PDE1C: variants seen among roughly 807,000 people sequenced by gnomAD.
PDE1C encodes the protein dual specificity calcium/calmodulin-dependent 3',5'-cyclic nucleotide phosphodiesterase 1C.
Under a neutral mutation model 93.1 loss-of-function variants are expected in PDE1C, and 62 were observed. The ratio of observed to expected loss-of-function variants is 0.67; its 90% CI spans 0.54 to 0.82. The LOEUF (loss-of-function observed/expected upper bound fraction) is 0.82. PDE1C is among the 40% of genes least tolerant of loss of function. The pLI, the probability that PDE1C is intolerant of heterozygous loss-of-function variation, is 0.00. For synonymous variants in PDE1C, 325 were observed against 310.1 expected, an observed-to-expected ratio of 1.05 and a Z score of -0.50; for missense variants, 742 against 884.6, an observed-to-expected ratio of 0.84 and a Z score of 2.04.
chr7:31,825,699 A>C, intron 12 of PDE1C, among the ~76,000 whole-genome samples: 1 of 152,154 alleles, frequency 6.6e-6, no homozygotes, highest in East Asian at 1.9e-4. Context: ...TAAACAAAAG[A>C]TAAAGAAGGC....
At chr7:31,858,069 A>G (rs1794239408) in intron 7 of PDE1C, among the ~76,000 whole-genome samples, 1 of 152,186 alleles carries the variant, frequency 6.6e-6, no homozygotes, top group Non-Finnish European at 1.5e-5. Flanking sequence ...AAAGACTGGA[A>G]AACATGGGAG....
At chr7:31,934,589 C>A (rs910628275) in intron 2 of PDE1C, among the ~76,000 whole-genome samples, 1 of 151,158 alleles carries the variant, frequency 6.6e-6, no homozygotes, top group African/African-American at 2.4e-5. Context: ...CACTAGCTTA[C>A]GTGAGTTGAT....
chr7:32,182,727 T>G (rs1429440610), intron 2 of PDE1C, among the ~76,000 whole-genome samples: 1 of 152,190 alleles, frequency 6.6e-6, no homozygotes, highest in Admixed American at 6.5e-5. Context: ...GCATTCCCTT[T>G]GAAAACTGGC....
At chr7:31,710,804 C>T in the PDE1C span, among the ~76,000 whole-genome samples, 2 of 152,192 alleles carry the variant, frequency 1.3e-5, no homozygotes, top group East Asian at 3.8e-4. Flanking sequence ...GCCAGTTTTC[C>T]TGGACATGCA....
At chr7:32,362,802 C>G (rs148549339) in intron 1 of PDE1C, among the ~76,000 whole-genome samples, 1 of 152,310 alleles carries the variant, frequency 6.6e-6, no homozygotes, top group African/African-American at 2.4e-5. Context: ...TGCTGCACTC[C>G]CCTGAGCAAA....
chr7:31,716,277 G>T, the PDE1C span, among the ~76,000 whole-genome samples: 3 of 152,058 alleles, frequency 2.0e-5, no homozygotes, highest in Non-Finnish European at 4.4e-5. Flanking sequence ...TCATTCAGTT[G>T]CCCAAGTTAT....
Position 31,823,140 on chromosome 7 carries a change from G to A in PDE1C, c.1515C>T (p.Ser505=). 6.2e-7 allele frequency: 1 copy of A among 1,613,418 alleles called. No individual in the cohort carries two copies. The change falls in exon 14 of 18, where the codon AGC becomes AGT. Residue 505 remains serine (S), a synonymous_variant. Coordinates refer to ENST00000396191, the MANE Select transcript of PDE1C (RefSeq NM_001191057.4). ...CCACTTCCGTCCAAGTAGCTTTAAA[G>A]CTCTTATAGTCAACGGAGATGACAG... The part of the protein sequence containing the change: ...NNSVISVDYK[S]FKATWTEVVH...
intron 16 of PDE1C, among the ~76,000 whole-genome samples, chr7:31,793,773 C>A (rs1784852324): frequency 6.6e-6 from 1 of 151,132 alleles, no homozygotes; most frequent in Non-Finnish European, 1.5e-5. Context: ...TGTCCTAGGT[C>A]ACAAGTACAT....
At chr7:31,919,259 C>T (rs754182901) in intron 2 of PDE1C, among the ~76,000 whole-genome samples, 1 of 152,140 alleles carries the variant, frequency 6.6e-6, no homozygotes, top group Admixed American at 6.6e-5. Context: ...ATTAAGAGCA[C>T]AGGGCCAGGA....
At chr7:31,815,067 C>T (rs1306490479) in intron 15 of PDE1C, among the ~76,000 whole-genome samples, 1 of 152,040 alleles carries the variant, frequency 6.6e-6, no homozygotes, top group South Asian at 2.1e-4. Flanking sequence ...TCTGACCAGC[C>T]AGCTTCAGCA....
chr7:31,756,235 T>C (rs1208771864), intron 17 of PDE1C, among the ~76,000 whole-genome samples: 2 of 152,172 alleles, frequency 1.3e-5, no homozygotes, highest in African/African-American at 4.8e-5. Context: ...TAAACACTTC[T>C]TCCAGGGGAT....
rs549055231 is a variant in PDE1C at position 32,273,893 on chromosome 7, G to A, written c.85+24758C>T. On this transcript the variant is annotated intron_variant, in intron 1 of 18. Transcript: ENST00000396193. Reference sequence around the variant, plus strand: ...GTTAAATTGTTCCCCTACCTTGTTGGGTTCCTGAGAACAATGCAGTTAGAA... The same window carrying A: ...GTTAAATTGTTCCCCTACCTTGTTGAGTTCCTGAGAACAATGCAGTTAGAA... Among the ~76,000 whole-genome samples, 4 of 152,240 alleles carry A rather than the reference G, an allele frequency of 2.6e-5. No individual in the cohort carries two copies. The South Asian group carries it at 8.3e-4, about 32-fold the overall frequency.
At chr7:32,184,667 A>G (rs1211526010) in intron 2 of PDE1C, among the ~76,000 whole-genome samples, 4 of 152,228 alleles carry the variant, frequency 2.6e-5, no homozygotes, top group Non-Finnish European at 5.9e-5. Context: ...GGGTAGGGGT[A>G]GGGATAGCAT....
the PDE1C span, among the ~76,000 whole-genome samples, chr7:31,629,038 A>T: frequency 6.6e-6 from 1 of 152,198 alleles, no homozygotes; most frequent in East Asian, 1.9e-4. Flanking sequence ...GCGTTACAAA[A>T]TTTGAAACCT....
intron 2 of PDE1C, among the ~76,000 whole-genome samples, chr7:31,991,660 C>A (rs1584358033): frequency 6.6e-6 from 1 of 152,176 alleles, no homozygotes; most frequent in South Asian, 2.1e-4. Context: ...TGTTACCTAT[C>A]TTGGCCTATG....
At chr7:31,702,299 G>T in the PDE1C span, among the ~76,000 whole-genome samples, 1 of 151,884 alleles carries the variant, frequency 6.6e-6, no homozygotes, top group African/African-American at 2.4e-5. Flanking sequence ...TTTCAGACTT[G>T]CTAGGAAGGA....
intron 17 of PDE1C, among the ~76,000 whole-genome samples, chr7:31,762,810 C>G (rs1012756008): frequency 3.3e-4 from 50 of 152,146 alleles, no homozygotes; most frequent in African/African-American, 1.2e-3. Context: ...TTGATCCTGT[C>G]TGAACCAAAC....
intron 3 of PDE1C, among the ~76,000 whole-genome samples, chr7:32,149,692 A>G (rs1350092956): frequency 6.6e-6 from 1 of 152,216 alleles, no homozygotes; most frequent in Non-Finnish European, 1.5e-5. Context: ...ACGTGATACT[A>G]TGTGATCAAA....
intron 7 of PDE1C, among the ~76,000 whole-genome samples, chr7:31,858,739 T>C (rs908719196): frequency 6.6e-6 from 1 of 152,142 alleles, no homozygotes; most frequent in East Asian, 1.9e-4. Context: ...ATAATAACTA[T>C]CATTTACTAA....
Sources: gnomAD v4.1 joint callset for allele counts (sites outside exome capture counted in the v4.1 genomes callset) on GRCh38, gnomAD v4.1.1 for gene constraint, MANE v1.5 for transcripts, NCBI Gene and HGNC (gene_info 2026-07-23, HGNC 2026-07-21) for gene names.